The following GEMIN8 variants were observed in gnomAD, a reference collection of about 807,000 sequenced individuals.
GEMIN8 encodes the protein gem-associated protein 8.
For synonymous variants in GEMIN8, 80 were observed against 78.5 expected, an observed-to-expected ratio of 1.02 and a Z score of -0.10; for missense variants, 185 against 205.9, an observed-to-expected ratio of 0.90 and a Z score of 0.62.
At chrX:13,993,314 C>A in the GEMIN8 span, among the ~76,000 whole-genome samples, 1 of 111,078 alleles carries the variant, frequency 9.0e-6, no homozygotes, top group Non-Finnish European at 1.9e-5. Context: ...ATGACTGTCT[C>A]CCCATCATGA....
chrX:14,021,415 C>A, intron 3 of GEMIN8, 49 bp downstream of exon 3: 1 of 736,105 alleles, frequency 1.4e-6, no homozygotes, highest in East Asian at 3.3e-5. Context: ...TAAAGTTTAC[C>A]TTTTTTACTT....
the GEMIN8 span, among the ~76,000 whole-genome samples, chrX:13,990,177 T>C: frequency 1.8e-5 from 2 of 112,809 alleles, no homozygotes; most frequent in Non-Finnish European, 3.7e-5. Flanking sequence ...TTTCCATCAT[T>C]GAAGAAATTT....
intron 4 of GEMIN8, among the ~76,000 whole-genome samples, chrX:14,012,417 G>A (rs1923620069): frequency 9.0e-6 from 1 of 110,865 alleles, no homozygotes; most frequent in African/African-American, 3.3e-5. Context: ...AAGCCACCGT[G>A]CCTGGCCCCT....
At chrX:14,005,316 C>A (rs1923108323), downstream of GEMIN8, among the ~76,000 whole-genome samples, 2 of 111,185 alleles carry the variant, frequency 1.8e-5, no homozygotes, top group South Asian at 7.7e-4. Flanking sequence ...GGGAGATGGG[C>A]TGATGGTTGA....
At chrX:13,998,395 T>C in the GEMIN8 span, among the ~76,000 whole-genome samples, 7 of 110,108 alleles carry the variant, frequency 6.4e-5, no homozygotes, top group African/African-American at 2.3e-4. Flanking sequence ...GGTCTTGTGA[T>C]AGTGAATTGA....
At chrX:14,002,329 T>TGATAGATAGATA (rs58599457), downstream of GEMIN8, among the ~76,000 whole-genome samples, 43 of 99,556 alleles carry the variant, frequency 4.3e-4, no homozygotes, top group African/African-American at 7.1e-4. Flanking sequence ...GATAGATAGG[T>TGATAGATAGATA]GATAGATAGA....
intron 2 of GEMIN8, 164 bp downstream of exon 2, chrX:14,025,976 A>T (rs1307037868): frequency 1.7e-6 from 1 of 580,852 alleles, no homozygotes; most frequent in Non-Finnish European, 2.1e-6. Flanking sequence ...AGGAGCTAAT[A>T]AGAATGCCTG....
intron 4 of GEMIN8, chrX:14,014,164 G>A: frequency 1.3e-6 from 1 of 753,077 alleles, no homozygotes; most frequent in Non-Finnish European, 1.6e-6. Context: ...AAGTGGCAAA[G>A]AATGTTTTTT....
intron 4 of GEMIN8, chrX:14,014,259 G>A: frequency 2.7e-6 from 2 of 752,809 alleles, no homozygotes; most frequent in Non-Finnish European, 3.1e-6. Flanking sequence ...CACAACCGAG[G>A]GAAAGCACAA....
chrX:14,005,902 AGTTT>A (rs911121980), downstream of GEMIN8, among the ~76,000 whole-genome samples: 4 of 111,314 alleles, frequency 3.6e-5, no homozygotes, highest in African/African-American at 1.3e-4. Context: ...AGAAAAAAGA[AGTTT>A]GTTTTTTCCA....
At chrX:14,016,224 G>C (rs1357341152) in intron 4 of GEMIN8, among the ~76,000 whole-genome samples, 2 of 112,103 alleles carry the variant, frequency 1.8e-5, no homozygotes, top group Non-Finnish European at 3.8e-5. Context: ...GTAGGAGCAT[G>C]ACACAGACGC....
In GEMIN8 at chrX:14,020,003, T is replaced by TTA. The variant is rs781627614; in HGVS notation, c.472+73_472+74dup. The TTA allele has an allele frequency of 4.9e-5, 27 of 550,778 alleles. No homozygotes were observed. In the East Asian group the frequency reaches 9.3e-4, roughly 19 times the overall value. 45.4% of individuals were successfully genotyped at this position (550,778 alleles called of 1,213,427 possible). Reference sequence around the variant, plus strand: ...GCCAATGAAGAATTATAAAATTACTTTATATATTAGAGAAAAAAAATGTAA... The same window carrying TTA: ...GCCAATGAAGAATTATAAAATTACTTTATATATATTAGAGAAAAAAAATGTAA... On this transcript the variant is annotated intron_variant, in intron 4 of 4. Coordinates refer to ENST00000680255, the MANE Select transcript of GEMIN8 (RefSeq NM_001042479.2).
intron 4 of GEMIN8, among the ~76,000 whole-genome samples, chrX:14,015,074 T>C (rs924381222): frequency 7.2e-5 from 8 of 111,499 alleles, no homozygotes; most frequent in African/African-American, 2.6e-4. Flanking sequence ...GTTTAAGCTT[T>C]TAGAATATGT....
At chrX:13,986,740 A>G in the GEMIN8 span, among the ~76,000 whole-genome samples, 2 of 111,998 alleles carry the variant, frequency 1.8e-5, no homozygotes, top group Admixed American at 9.5e-5. Flanking sequence ...TAGTCTTTAC[A>G]TGTCCCTGGC....
chrX:13,986,942 T>C, the GEMIN8 span, among the ~76,000 whole-genome samples: 1 of 112,749 alleles, frequency 8.9e-6, no homozygotes, highest in African/African-American at 3.2e-5. Context: ...TTGTGCAAAG[T>C]ACAGATTTTT....
the GEMIN8 span, among the ~76,000 whole-genome samples, chrX:13,991,174 T>C: frequency 8.9e-6 from 1 of 112,695 alleles, no homozygotes; most frequent in African/African-American, 3.2e-5. Flanking sequence ...GCTGAAAGAA[T>C]GCAAAGAGCC....
intron 4 of GEMIN8, among the ~76,000 whole-genome samples, chrX:14,019,551 G>A (rs1924158518): frequency 9.0e-6 from 1 of 111,679 alleles, no homozygotes; most frequent in African/African-American, 3.3e-5. Flanking sequence ...ATGTGTCCCA[G>A]AGGAATGGCA....
chrX:14,011,456 C>T (rs749995423), intron 4 of GEMIN8, among the ~76,000 whole-genome samples: 1 of 107,366 alleles, frequency 9.3e-6, no homozygotes, highest in Non-Finnish European at 1.9e-5. Context: ...CACATTAGCA[C>T]AACACAGTCC....
intron 4 of GEMIN8, chrX:14,013,866 T>G (rs1406689321): frequency 2.1e-6 from 1 of 471,936 alleles, no homozygotes; most frequent in Non-Finnish European, 2.6e-6. Context: ...AGGGTTAATA[T>G]GCATATAGGT....
Sources: allele counts gnomAD v4.1 joint callset (sites outside exome capture counted in the v4.1 genomes callset), GRCh38; gene constraint gnomAD v4.1.1; transcripts MANE v1.5; gene names NCBI Gene and HGNC (gene_info 2026-07-23, HGNC 2026-07-21).